GAREM1: variants seen among roughly 807,000 people sequenced by gnomAD.
GAREM1 encodes the protein GRB2 associated regulator of MAPK1 subtype 1.
Under a neutral mutation model 71.3 loss-of-function variants are expected in GAREM1, and 26 were observed. The observed-to-expected ratio is 0.36, with a 90% CI of 0.27 to 0.51. The LOEUF is 0.51. Ranked by LOEUF, GAREM1 falls within the 20% of genes least tolerant of loss-of-function variation. The pLI is 0.95. For missense variants in GAREM1, 1,026 were observed against 1,103.1 expected (o/e 0.93, Z 0.99); for synonymous variants, 440 against 433.2 (o/e 1.02, Z -0.20).
intron 2 of GAREM1, among the ~76,000 whole-genome samples, chr18:32,368,853 T>C (rs1189449571): frequency 1.3e-5 from 2 of 152,146 alleles, no homozygotes; most frequent in Admixed American, 6.5e-5. Flanking sequence ...ATAACACCAG[T>C]AAAATTAAAC....
chr18:32,411,557 A>T (rs2048417511), intron 1 of GAREM1, among the ~76,000 whole-genome samples: 1 of 152,184 alleles, frequency 6.6e-6, no homozygotes, highest in Non-Finnish European at 1.5e-5. Flanking sequence ...GATGATACAC[A>T]AGCTTCATTC....
Position 32,263,546 on chromosome 18 carries a change from A to G in GAREM1, c.*4325T>C, listed in dbSNP as rs2041334545. 6.6e-6 allele frequency: 1 copy of G among 152,176 alleles called. No homozygotes were observed. The highest frequency in any genetic ancestry group is 1.5e-5 in the Non-Finnish European group (1 of 68,036). 9.4% of individuals were successfully genotyped at this position (152,176 alleles called of 1,614,324 possible). On this transcript the variant is annotated 3_prime_UTR_variant, in exon 6 of 6. Transcript: ENST00000269209. ...GCAACTTTGAAAATTTCTTTATTAC[A>G]GACATTTCAGAACCATTTAAATCAA...
At chr18:32,304,468 T>C (rs1237021904) in intron 3 of GAREM1, among the ~76,000 whole-genome samples, 1 of 152,218 alleles carries the variant, frequency 6.6e-6, no homozygotes, top group East Asian at 1.9e-4. Flanking sequence ...CAGGTCAAGA[T>C]GGTAATAATT....
intron 1 of GAREM1, among the ~76,000 whole-genome samples, chr18:32,403,549 T>G (rs1409017644): frequency 1.3e-5 from 2 of 152,190 alleles, no homozygotes; most frequent in Admixed American, 1.3e-4. Context: ...AAGTGCTACC[T>G]TTGTGAATGT....
chr18:32,416,515 A>ACACATAGACACATAG (rs1341395661), intron 1 of GAREM1, among the ~76,000 whole-genome samples: 2 of 152,264 alleles, frequency 1.3e-5, no homozygotes, highest in African/African-American at 2.4e-5. Context: ...GTACTGGCAT[A>ACACATAGACACATAG]ACAACAGACA....
intron 3 of GAREM1, among the ~76,000 whole-genome samples, chr18:32,299,360 A>T (rs897203215): frequency 3.3e-5 from 5 of 151,884 alleles, no homozygotes; most frequent in African/African-American, 1.2e-4. Flanking sequence ...TAAAAATACA[A>T]AAAATTAGCC....
At chr18:32,406,569 ATGT>A (rs2048369249) in intron 1 of GAREM1, among the ~76,000 whole-genome samples, 1 of 152,218 alleles carries the variant, frequency 6.6e-6, no homozygotes, top group Non-Finnish European at 1.5e-5. Flanking sequence ...AAAAATGAAA[ATGT>A]TGTCTGCGAA....
chr18:32,327,731 C>T (rs533315582), intron 2 of GAREM1, among the ~76,000 whole-genome samples: 19 of 152,186 alleles, frequency 1.2e-4, no homozygotes, highest in Non-Finnish European at 2.2e-4. Flanking sequence ...TGAGACATCA[C>T]TTAGTGAGAC....
chr18:32,413,055 G>T, intron 1 of GAREM1: 1 of 1,505,880 alleles, frequency 6.6e-7, no homozygotes, highest in Non-Finnish European at 9.2e-7. Context: ...CACACAGTCC[G>T]TGAGCGTTCC....
In GAREM1 at chr18:32,465,241, AAAAAG is replaced by A. The variant is rs1277048860; in HGVS notation, c.121+5062_121+5066del. On this transcript the variant is annotated intron_variant, in intron 1 of 5. Coordinates refer to ENST00000269209, the MANE Select transcript of GAREM1 (RefSeq NM_001242409.2). The stretch of plus-strand genomic sequence containing the variant: ...AAGAGCAAAACTAAGTTACTTTGGG[AAAAAG>A]AAAAGAAAAGAAAAAGAAAAAGACA... Among the ~76,000 whole-genome samples the A allele has an allele frequency of 4.5e-4, 68 of 152,320 alleles. 1 individual carries two copies. Among genetic ancestry groups the A allele is most frequent in the Admixed American group, 3.3e-3 (51 of 15,300 alleles).
At chr18:32,344,427 T>C (rs981175995) in intron 2 of GAREM1, among the ~76,000 whole-genome samples, 2 of 152,176 alleles carry the variant, frequency 1.3e-5, no homozygotes, top group African/African-American at 4.8e-5. Flanking sequence ...CTGGGACATG[T>C]AAAGAAGCTC....
chr18:32,321,482 T>C (rs1035483132), intron 2 of GAREM1, among the ~76,000 whole-genome samples: 2 of 152,198 alleles, frequency 1.3e-5, no homozygotes, highest in African/African-American at 4.8e-5. Context: ...GGACCACCTA[T>C]GTAAGTTGAC....
At chr18:32,411,757 G>C (rs1384752976) in intron 1 of GAREM1, among the ~76,000 whole-genome samples, 4 of 151,960 alleles carry the variant, frequency 2.6e-5, no homozygotes, top group Non-Finnish European at 2.9e-5. Flanking sequence ...CTCCACCCAA[G>C]CAGGTTGTAT....
intron 1 of GAREM1, chr18:32,412,487 G>T: frequency 1.3e-6 from 2 of 1,593,966 alleles, no homozygotes; most frequent in East Asian, 2.2e-5. Context: ...CAGCACGGCT[G>T]CCACCAAAGC....
At chr18:32,281,260 C>T (rs1399863769) in intron 4 of GAREM1, among the ~76,000 whole-genome samples, 1 of 151,992 alleles carries the variant, frequency 6.6e-6, no homozygotes, top group Non-Finnish European at 1.5e-5. Flanking sequence ...GAGTGTTCTG[C>T]CTGTCTGAGG....
rs766095412 is a variant in GAREM1, at chr18:32,363,995, CATATATATATATATATATAT to C, written c.262+28880_262+28899del. ...ACACAAATACATAAATACATATATACATATATATATATATATATATATATATATATATGTTTTTTTTTTTT... is the reference window on the plus strand; with the variant it reads ...ACACAAATACATAAATACATATATACATATATATATATGTTTTTTTTTTTT... On this transcript the variant is annotated intron_variant, in intron 2 of 5. Transcript: ENST00000269209. Among the ~76,000 whole-genome samples the C allele has an allele frequency of 6.3e-3, 134 of 21,336 alleles. 3 individuals are homozygous for C. Among genetic ancestry groups the C allele is most frequent in the Non-Finnish European group, 9.3e-3 (110 of 11,792 alleles). The allele number at this position is 21,336 out of a possible 152,430, so 14.0% of individuals were successfully genotyped here.
At chr18:32,458,051 T>C (rs942909993) in intron 1 of GAREM1, among the ~76,000 whole-genome samples, 2 of 152,182 alleles carry the variant, frequency 1.3e-5, no homozygotes, top group Non-Finnish European at 2.9e-5. Flanking sequence ...TATTCACTAG[T>C]GTCTGTACAT....
chr18:32,280,693 G>T (rs909731282), intron 4 of GAREM1, among the ~76,000 whole-genome samples: 3 of 152,160 alleles, frequency 2.0e-5, no homozygotes, highest in African/African-American at 7.2e-5. Context: ...CCAAGTAGAA[G>T]TTTTAAAAGT....
At chr18:32,454,318 C>T (rs2048868377) in intron 1 of GAREM1, among the ~76,000 whole-genome samples, 1 of 152,018 alleles carries the variant, frequency 6.6e-6, no homozygotes, top group African/African-American at 2.4e-5. Context: ...TTGACAACCA[C>T]CAAGACACAA....
Sources: gnomAD v4.1 joint callset for allele counts (sites outside exome capture counted in the v4.1 genomes callset) on GRCh38, gnomAD v4.1.1 for gene constraint, MANE v1.5 for transcripts, NCBI Gene and HGNC (gene_info 2026-07-23, HGNC 2026-07-21) for gene names.